The following SNTG2 variants were observed in gnomAD, a reference collection of about 807,000 sequenced individuals.
SNTG2 encodes the protein syntrophin gamma 2, also known as gamma-2-syntrophin.
Under a neutral mutation model 70.9 loss-of-function variants are expected in SNTG2, and 74 were observed. That is an observed-to-expected ratio of 1.04 (90% confidence interval 0.86 to 1.27). The LOEUF (loss-of-function observed/expected upper bound fraction) is 1.27. SNTG2 is among the 50% of genes most tolerant of loss of function. The pLI is 0.00. For synonymous variants in SNTG2, 278 were observed against 273.8 expected, an observed-to-expected ratio of 1.02 and a Z score of -0.15; for missense variants, 717 against 690.7, an observed-to-expected ratio of 1.04 and a Z score of -0.43.
At chr2:1,329,565 C>T (rs760155097) in intron 16 of SNTG2, among the ~76,000 whole-genome samples, 1 of 152,164 alleles carries the variant, frequency 6.6e-6, no homozygotes, top group Non-Finnish European at 1.5e-5. Context: ...TGTCTACGCA[C>T]AATGGCCAGG....
chr2:1,169,343 T>G (rs1461420054), intron 7 of SNTG2, among the ~76,000 whole-genome samples: 1 of 152,062 alleles, frequency 6.6e-6, no homozygotes, highest in East Asian at 1.9e-4. Flanking sequence ...CGTTCCTGAC[T>G]TCTCTCTCAG....
chr2:1,247,638 T>A (rs1215772525), intron 12 of SNTG2, among the ~76,000 whole-genome samples, 195 bp downstream of exon 12: 1 of 152,194 alleles, frequency 6.6e-6, no homozygotes, highest in African/African-American at 2.4e-5. Flanking sequence ...AATTAACCCA[T>A]TTCTTTCTTT....
In SNTG2 at chr2:1,098,260, A is replaced by G. The variant is rs201312672; in HGVS notation, c.267+8A>G. The G allele has an allele frequency of 1.3e-4, 208 of 1,613,862 alleles. 1 individual carries two copies. Among genetic ancestry groups the G allele is most frequent in the Non-Finnish European group, 1.6e-4 (187 of 1,179,874 alleles). On this transcript the variant is annotated splice_region_variant and intron_variant, in intron 3 of 16. Coordinates refer to ENST00000308624, the MANE Select transcript of SNTG2 (RefSeq NM_018968.4). ...TTGGGCCTGAGTATAAAGGTATGGAAATGGTTTTCTCTATTCCTGCTTTTT... is the reference window on the plus strand; with the variant it reads ...TTGGGCCTGAGTATAAAGGTATGGAGATGGTTTTCTCTATTCCTGCTTTTT...
At chr2:998,069 G>A (rs1307576748) in intron 1 of SNTG2, among the ~76,000 whole-genome samples, 2 of 152,298 alleles carry the variant, frequency 1.3e-5, no homozygotes, top group Non-Finnish European at 2.9e-5. Context: ...AGGAGTTCAC[G>A]CAGAATCTTT....
chr2:1,288,466 C>T (rs1202327898), intron 14 of SNTG2, among the ~76,000 whole-genome samples: 9 of 151,838 alleles, frequency 5.9e-5, no homozygotes, highest in East Asian at 1.9e-4. Flanking sequence ...CCAAGCTCAC[C>T]GACAAGCTAC....
At chr2:1,077,105 T>G (rs558642718) in intron 1 of SNTG2, among the ~76,000 whole-genome samples, 1 of 152,322 alleles carries the variant, frequency 6.6e-6, no homozygotes, top group East Asian at 1.9e-4. Context: ...TAAATCATAA[T>G]GCACTTTAAA....
At chr2:1,315,269 A>T (rs888276690) in intron 15 of SNTG2, among the ~76,000 whole-genome samples, 5 of 152,164 alleles carry the variant, frequency 3.3e-5, no homozygotes, top group African/African-American at 7.2e-5. Flanking sequence ...TAGCTCCTGG[A>T]TTTAATATAA....
intron 4 of SNTG2, among the ~76,000 whole-genome samples, chr2:1,122,894 G>A (rs1225843400): frequency 6.7e-6 from 1 of 149,056 alleles, no homozygotes; most frequent in Admixed American, 6.8e-5. Flanking sequence ...AAAATTAATA[G>A]CATTGTCATA....
intron 1 of SNTG2, among the ~76,000 whole-genome samples, chr2:1,029,954 T>G (rs1274366429): frequency 2.0e-5 from 3 of 152,170 alleles, no homozygotes; most frequent in Non-Finnish European, 2.9e-5. Context: ...ATTTCCAGTG[T>G]TTTACACTCT....
chr2:984,651 C>G (rs1661245939), intron 1 of SNTG2, among the ~76,000 whole-genome samples: 1 of 152,198 alleles, frequency 6.6e-6, no homozygotes, highest in Non-Finnish European at 1.5e-5. Context: ...TGAAATTGCT[C>G]CTTCACTTGG....
chr2:1,014,660 T>A (rs557422236), intron 1 of SNTG2, among the ~76,000 whole-genome samples: 4 of 135,396 alleles, frequency 3.0e-5, no homozygotes, highest in Non-Finnish European at 6.5e-5. Context: ...GGGATTTATA[T>A]GGGCAGAGAG....
intron 4 of SNTG2, among the ~76,000 whole-genome samples, chr2:1,110,104 G>A (rs2148244779): frequency 6.6e-6 from 1 of 152,262 alleles, no homozygotes; most frequent in East Asian, 1.9e-4. Context: ...CATTTGGTGG[G>A]GAAGGAAAGG....
At chr2:1,221,975 CTCTGT>C (rs1675056915) in intron 9 of SNTG2, among the ~76,000 whole-genome samples, 1 of 61,886 alleles carries the variant, frequency 1.6e-5, no homozygotes, top group African/African-American at 8.9e-5. Flanking sequence ...CTGTCTCTGT[CTCTGT>C]CTCTCTCTGT....
intron 13 of SNTG2, among the ~76,000 whole-genome samples, chr2:1,267,097 G>C (rs1430524601): frequency 6.6e-6 from 1 of 152,170 alleles, no homozygotes; most frequent in Non-Finnish European, 1.5e-5. Context: ...CGTAAAACAG[G>C]AAAGTGTGTG....
At chr2:1,227,668 A>G (rs1558564709) in intron 9 of SNTG2, among the ~76,000 whole-genome samples, 1 of 152,148 alleles carries the variant, frequency 6.6e-6, no homozygotes, top group Non-Finnish European at 1.5e-5. Context: ...GTCTCCACCA[A>G]AGTTAGGGCT....
chr2:1,097,927 A>G lies in SNTG2; in HGVS notation c.211-269A>G, dbSNP rs1201043416. On this transcript the variant is annotated intron_variant, in intron 2 of 16. Transcript: ENST00000308624. The surrounding 1 kb of genome is among the most constrained non-coding windows in gnomAD (Gnocchi z 4.1). ...GCTCCGTTCCTCACAAGCAGAATGC[A>G]GACGGGATGACAGTTCTGTGGGGAT... 6.6e-6 allele frequency among the ~76,000 whole-genome samples: 1 copy of G among 151,804 alleles called. No homozygotes were observed. Among genetic ancestry groups the G allele is most frequent in the Non-Finnish European group, 1.5e-5 (1 of 67,992 alleles).
chr2:983,675 A>T (rs1054658102), intron 1 of SNTG2, among the ~76,000 whole-genome samples: 5 of 152,178 alleles, frequency 3.3e-5, no homozygotes, highest in Non-Finnish European at 4.4e-5. Context: ...GTGTACGCTG[A>T]CCTTCAGTCT....
intron 1 of SNTG2, among the ~76,000 whole-genome samples, chr2:1,035,664 T>G (rs1572267311): frequency 1.3e-5 from 2 of 152,232 alleles, no homozygotes; most frequent in South Asian, 2.1e-4. Flanking sequence ...CTCATGGGTT[T>G]TGTTTTTGTT....
At chr2:1,262,650 TA>T (rs1678480238) in intron 13 of SNTG2, among the ~76,000 whole-genome samples, 1 of 112,376 alleles carries the variant, frequency 8.9e-6, no homozygotes, top group African/African-American at 4.7e-5. Flanking sequence ...AGTCCAGACG[TA>T]GTAACCGGAA....
Sources: gnomAD v4.1 joint callset for allele counts (sites outside exome capture counted in the v4.1 genomes callset) on GRCh38, gnomAD v4.1.1 for gene constraint, Gnocchi (gnomAD v3.1) non-coding constraint, MANE v1.5 for transcripts, NCBI Gene and HGNC (gene_info 2026-07-23, HGNC 2026-07-21) for gene names.